The following CDH12 variants were observed in gnomAD, a reference collection of about 807,000 sequenced individuals.
CDH12 encodes the protein cadherin-12.
Under a neutral mutation model 74.1 loss-of-function variants are expected in CDH12, and 41 were observed. That is an observed-to-expected ratio of 0.55 (90% CI 0.43 to 0.72). CDH12 has a LOEUF of 0.72. CDH12 is among the 30% of genes least tolerant of loss of function. The pLI is 0.00. For missense variants in CDH12, 945 were observed against 977.2 expected (o/e 0.97, Z 0.44); for synonymous variants, 399 against 355.0 (o/e 1.12, Z -1.39).
intron 4 of CDH12, among the ~76,000 whole-genome samples, chr5:22,082,695 A>T (rs938737808): frequency 6.6e-6 from 1 of 152,352 alleles, no homozygotes; most frequent in South Asian, 2.1e-4. Flanking sequence ...ATTCACCAAC[A>T]CATAAACAGT....
At chr5:22,344,876 G>A (rs115626750) in intron 3 of CDH12, among the ~76,000 whole-genome samples, 143 of 152,264 alleles carry the variant, frequency 9.4e-4, no homozygotes, top group African/African-American at 3.3e-3. Flanking sequence ...GTGTATGTCT[G>A]TGAGTATCAC....
intron 1 of CDH12, among the ~76,000 whole-genome samples, chr5:22,633,105 T>G (rs1221902286): frequency 6.6e-6 from 1 of 152,024 alleles, no homozygotes; most frequent in Non-Finnish European, 1.5e-5. Flanking sequence ...TCCAGTAAAA[T>G]GAACCTTTCA....
intron 3 of CDH12, among the ~76,000 whole-genome samples, chr5:22,334,127 G>C (rs1353142998): frequency 6.6e-6 from 1 of 152,058 alleles, no homozygotes; most frequent in African/African-American, 2.4e-5. Flanking sequence ...GTCTTAGCTG[G>C]AGCAATCAGA....
At chr5:22,623,662 A>G (rs1242113276) in intron 1 of CDH12, among the ~76,000 whole-genome samples, 1 of 152,234 alleles carries the variant, frequency 6.6e-6, no homozygotes, top group African/African-American at 2.4e-5. Context: ...ATGAAATAAA[A>G]GAGGACACAA....
At chr5:21,913,725 G>T (rs1165348619) in intron 6 of CDH12, among the ~76,000 whole-genome samples, 1 of 152,064 alleles carries the variant, frequency 6.6e-6, no homozygotes, top group Admixed American at 6.6e-5. Flanking sequence ...AACCACGCTG[G>T]AGTGCAGTGA....
At chr5:22,040,739 T>C (rs78339112) in intron 5 of CDH12, among the ~76,000 whole-genome samples, 4,106 of 152,150 alleles carry the variant, frequency 0.027, 180 homozygotes, top group African/African-American at 0.093. Flanking sequence ...GATAAAATTT[T>C]CCTCAAACAA....
chr5:22,226,383 G>T (rs1385239963), intron 3 of CDH12, among the ~76,000 whole-genome samples: 1 of 151,952 alleles, frequency 6.6e-6, no homozygotes, highest in African/African-American at 2.4e-5. Flanking sequence ...GGGGGCAGAT[G>T]AGCAAGTCAA....
At chr5:22,110,106 A>C (rs1248866827) in intron 4 of CDH12, among the ~76,000 whole-genome samples, 1 of 152,192 alleles carries the variant, frequency 6.6e-6, no homozygotes, top group Non-Finnish European at 1.5e-5. Flanking sequence ...CCTTCATAAT[A>C]AAATGCTAGT....
At chr5:22,288,538 G>T (rs1361651418) in intron 3 of CDH12, among the ~76,000 whole-genome samples, 11 of 152,060 alleles carry the variant, frequency 7.2e-5, no homozygotes, top group Admixed American at 1.3e-4. Flanking sequence ...ATTAAAGTTA[G>T]CAATGACAGA....
chr5:21,896,014 G>A (rs1753107786), intron 6 of CDH12, among the ~76,000 whole-genome samples: 1 of 152,166 alleles, frequency 6.6e-6, no homozygotes, highest in African/African-American at 2.4e-5. Flanking sequence ...CAGATGTGCA[G>A]AGGTGTCTCT....
At chr5:22,518,816 G>A (rs150563846) in intron 1 of CDH12, among the ~76,000 whole-genome samples, 58 of 152,220 alleles carry the variant, frequency 3.8e-4, no homozygotes, top group African/African-American at 1.4e-3. Flanking sequence ...ACTAAGCTGT[G>A]GGTAGTGTGT....
chr5:22,749,515 A>G (rs1298319750), intron 1 of CDH12, among the ~76,000 whole-genome samples: 3 of 152,226 alleles, frequency 2.0e-5, no homozygotes, highest in African/African-American at 7.2e-5. Flanking sequence ...ACCAAAGAAG[A>G]AATGTTATAG....
chr5:21,878,816 GAAAGAGAAA>G (rs1314651847), intron 6 of CDH12, among the ~76,000 whole-genome samples: 49 of 122,398 alleles, frequency 4.0e-4, no homozygotes, highest in African/African-American at 9.5e-4. Context: ...AAGAAAGAAA[GAAAGAGAAA>G]AGAAAAGAAA....
chr5:22,475,834 C>G (rs1361123883), intron 2 of CDH12, among the ~76,000 whole-genome samples: 2 of 151,930 alleles, frequency 1.3e-5, no homozygotes, highest in Non-Finnish European at 2.9e-5. Context: ...TTTAAATACT[C>G]GAAACTGTAT....
chr5:21,847,005 G>A (rs910534316), intron 7 of CDH12, among the ~76,000 whole-genome samples: 10 of 152,058 alleles, frequency 6.6e-5, no homozygotes, highest in Non-Finnish European at 1.5e-4. Flanking sequence ...TAGTTCAAAG[G>A]AGACTTAGAC....
At chr5:21,773,125 C>T (rs1217395036) in intron 11 of CDH12, among the ~76,000 whole-genome samples, 2 of 152,036 alleles carry the variant, frequency 1.3e-5, no homozygotes, top group South Asian at 2.1e-4. Flanking sequence ...TTATTATTTC[C>T]GATGTATATG....
chr5:22,529,378 G>A (rs977410063), intron 1 of CDH12, among the ~76,000 whole-genome samples: 1 of 151,812 alleles, frequency 6.6e-6, no homozygotes, highest in African/African-American at 2.4e-5. Flanking sequence ...GGAGAGAAAT[G>A]ATGCAGTCTC....
intron 3 of CDH12, among the ~76,000 whole-genome samples, chr5:22,318,137 C>CA (rs1301585717): frequency 2.0e-5 from 3 of 152,108 alleles, no homozygotes; most frequent in African/African-American, 7.2e-5. Flanking sequence ...TTCGATGTGC[C>CA]AAGTGGAGTG....
chr5:22,147,972 C>T (rs149737998), intron 4 of CDH12, among the ~76,000 whole-genome samples: 10 of 152,132 alleles, frequency 6.6e-5, no homozygotes, highest in Non-Finnish European at 1.0e-4. Context: ...CTGATTTTTG[C>T]TTTTCCTTCC....
Sources: gnomAD v4.1 joint callset for allele counts (sites outside exome capture counted in the v4.1 genomes callset) on GRCh38, gnomAD v4.1.1 for gene constraint, MANE v1.5 for transcripts, NCBI Gene and HGNC (gene_info 2026-07-23, HGNC 2026-07-21) for gene names.